RSRC1: variants seen among roughly 807,000 people sequenced by gnomAD.
The protein encoded by RSRC1 is serine/Arginine-related protein 53.
Under a neutral mutation model 49.1 loss-of-function variants are expected in RSRC1, and 39 were observed. That is an observed-to-expected ratio of 0.79 (90% CI 0.61 to 1.04). RSRC1 has a LOEUF of 1.04. Ranked by LOEUF, RSRC1 falls within the 50% of genes least tolerant of loss-of-function variation. The probability of loss-of-function intolerance (pLI) is 0.00; values close to 1 mark genes in which losing one functional copy is unlikely to be tolerated. For synonymous variants in RSRC1, 143 were observed against 130.8 expected, an observed-to-expected ratio of 1.09 and a Z score of -0.63; for missense variants, 388 against 402.4, an observed-to-expected ratio of 0.96 and a Z score of 0.31.
chr3:158,443,427 T>C (rs542285469), intron 6 of RSRC1, among the ~76,000 whole-genome samples: 1 of 152,160 alleles, frequency 6.6e-6, no homozygotes, highest in East Asian at 1.9e-4. Context: ...TTATGAAGAT[T>C]ACTTCTTTCC....
Position 158,428,468 on chromosome 3 carries a change from C to T in RSRC1, c.584-32467C>T, listed in dbSNP as rs79673743. Among the ~76,000 whole-genome samples, 1,359 of 151,672 alleles carry T rather than the reference C, an allele frequency of 9.0e-3. 20 individuals are homozygous for T. The highest frequency in any genetic ancestry group is 0.032 in the African/African-American group (1,309 of 41,394). On this transcript the variant is annotated intron_variant, in intron 6 of 9. Transcript: ENST00000611884. Reference sequence around the variant, plus strand: ...TAAGGTCACTTAATAATTTTGTGACCCTGAGCAATTGTTAAACCCCTCTGT... The same window carrying T: ...TAAGGTCACTTAATAATTTTGTGACTCTGAGCAATTGTTAAACCCCTCTGT...
intron 7 of RSRC1, among the ~76,000 whole-genome samples, chr3:158,531,686 C>T (rs368998034): frequency 4.6e-5 from 7 of 151,854 alleles, no homozygotes; most frequent in African/African-American, 1.7e-4. Flanking sequence ...GAAATTTGTT[C>T]TCGGTGATAT....
intron 5 of RSRC1, among the ~76,000 whole-genome samples, chr3:158,337,939 T>C (rs1335648814): frequency 6.6e-6 from 1 of 152,256 alleles, no homozygotes; most frequent in African/African-American, 2.4e-5. Context: ...CTGTGGTAGA[T>C]TGAATTATTA....
At chr3:158,259,318 G>C (rs1406300713) in intron 4 of RSRC1, among the ~76,000 whole-genome samples, 1 of 152,098 alleles carries the variant, frequency 6.6e-6, no homozygotes, top group Non-Finnish European at 1.5e-5. Context: ...TAATGCTGTG[G>C]CTCTTGTAGC....
At chr3:158,327,240 C>G (rs897447759) in intron 5 of RSRC1, among the ~76,000 whole-genome samples, 1 of 152,144 alleles carries the variant, frequency 6.6e-6, no homozygotes, top group South Asian at 2.1e-4. Context: ...TCCTTCAGTT[C>G]TTCTCTGATC....
chr3:158,384,910 A>G (rs533790716), intron 6 of RSRC1, among the ~76,000 whole-genome samples: 3 of 152,232 alleles, frequency 2.0e-5, no homozygotes, highest in East Asian at 1.9e-4. Context: ...AGAAAGAGCA[A>G]ATAAAGCTTA....
At chr3:158,125,093 A>C (rs1715530494) in intron 3 of RSRC1, among the ~76,000 whole-genome samples, 1 of 152,110 alleles carries the variant, frequency 6.6e-6, no homozygotes. Context: ...TGCTGGCATT[A>C]TAGGTATGAT....
In RSRC1 at chr3:158,246,397, T is replaced by TAA. The variant is rs397821719; in HGVS notation, c.494+43162_494+43163dup. ...ATGTACCTTAAAACTTAAAGTATAA[T>TAA]AAAAAAAAAAAGGATAGCATTGTTA... On this transcript the variant is annotated intron_variant, in intron 4 of 9. Coordinates refer to ENST00000611884, the MANE Select transcript of RSRC1 (RefSeq NM_001271838.2). Among the ~76,000 whole-genome samples the TAA allele has an allele frequency of 9.9e-3, 1,459 of 148,080 alleles. 21 individuals carry two copies. The highest frequency in any genetic ancestry group is 0.033 in the African/African-American group (1,323 of 40,432).
chr3:158,320,720 C>T (rs1370901381), intron 5 of RSRC1, among the ~76,000 whole-genome samples: 17 of 152,176 alleles, frequency 1.1e-4, no homozygotes, highest in Admixed American at 1.1e-3. Flanking sequence ...GAGTAGGGGA[C>T]TTCCAGCTCA....
chr3:158,304,910 T>C (rs1362168191), intron 5 of RSRC1, among the ~76,000 whole-genome samples: 1 of 152,178 alleles, frequency 6.6e-6, no homozygotes, highest in Non-Finnish European at 1.5e-5. Context: ...TTAAAATATC[T>C]TTAATGTGGA....
intron 4 of RSRC1, among the ~76,000 whole-genome samples, chr3:158,215,117 G>C (rs570554879): frequency 6.6e-6 from 1 of 151,706 alleles, no homozygotes; most frequent in South Asian, 2.1e-4. Context: ...GTGATTTGGT[G>C]CTTTCATCTT....
At chr3:158,458,729 A>T (rs925816958) in intron 6 of RSRC1, among the ~76,000 whole-genome samples, 1 of 152,154 alleles carries the variant, frequency 6.6e-6, no homozygotes, top group African/African-American at 2.4e-5. Flanking sequence ...CTTGTTCGTT[A>T]TGCTCTTTGG....
chr3:158,255,316 T>C (rs931970819), intron 4 of RSRC1, among the ~76,000 whole-genome samples: 43 of 152,314 alleles, frequency 2.8e-4, no homozygotes, highest in African/African-American at 1.0e-3. Context: ...ATTTATTAAA[T>C]AGGGAATCCT....
At chr3:158,533,385 A>G (rs1054450496) in intron 7 of RSRC1, among the ~76,000 whole-genome samples, 2 of 151,782 alleles carry the variant, frequency 1.3e-5, no homozygotes, top group Non-Finnish European at 1.5e-5. Flanking sequence ...ACACAAAGAT[A>G]ATGATGTTTT....
At chr3:158,297,760 T>G (rs1727316988) in intron 4 of RSRC1, among the ~76,000 whole-genome samples, 1 of 152,004 alleles carries the variant, frequency 6.6e-6, no homozygotes. Flanking sequence ...GAATAGATAT[T>G]GTGTGAAGAA....
At chr3:158,381,483 A>G (rs1428864988) in intron 6 of RSRC1, among the ~76,000 whole-genome samples, 1 of 152,182 alleles carries the variant, frequency 6.6e-6, no homozygotes, top group Non-Finnish European at 1.5e-5. Context: ...GCCATTTATC[A>G]TTGTGTGAAC....
intron 4 of RSRC1, among the ~76,000 whole-genome samples, chr3:158,272,484 A>G (rs1725574307): frequency 1.3e-5 from 2 of 152,088 alleles, no homozygotes; most frequent in South Asian, 4.1e-4. Flanking sequence ...ATAAAAAACA[A>G]AAGATTATTA....
intron 1 of RSRC1, among the ~76,000 whole-genome samples, chr3:158,118,686 C>G (rs1272928872): frequency 6.6e-6 from 1 of 151,930 alleles, no homozygotes; most frequent in East Asian, 1.9e-4. Context: ...ATGGTGAAGG[C>G]TTTCATCATG....
At chr3:158,510,803 A>T (rs936679421) in intron 7 of RSRC1, among the ~76,000 whole-genome samples, 4 of 152,170 alleles carry the variant, frequency 2.6e-5, no homozygotes, top group African/African-American at 9.7e-5. Context: ...AGTAAGACAA[A>T]TCCCACACTT....
Sources: allele counts gnomAD v4.1 joint callset (sites outside exome capture counted in the v4.1 genomes callset), GRCh38; gene constraint gnomAD v4.1.1; transcripts MANE v1.5; gene names NCBI Gene and HGNC (gene_info 2026-07-23, HGNC 2026-07-21).